Variants in NLRP3 observed in about 807,000 individuals in gnomAD.
NLRP3 encodes the protein NLR family pyrin domain containing 3.
A neutral mutation model predicts 91.3 loss-of-function variants in NLRP3; 48 were observed. That is an observed-to-expected ratio of 0.53 (90% confidence interval 0.42 to 0.67). The LOEUF (loss-of-function observed/expected upper bound fraction) is 0.67. Among genes scored for constraint, NLRP3 ranks in the 30% least tolerant of loss-of-function variants. The pLI, the probability that NLRP3 is intolerant of heterozygous loss-of-function variation, is 0.00. For synonymous variants in NLRP3, 561 were observed against 507.9 expected (o/e 1.10, Z -1.41); for missense variants, 982 against 1,276.9 (o/e 0.77, Z 3.52).
chr1:247,435,873 A>C (rs1663754769), intron 6 of NLRP3, 97 bp from the exon 7 acceptor site: 2 of 1,125,734 alleles, frequency 1.8e-6, no homozygotes, highest in Non-Finnish European at 2.7e-6. Flanking sequence ...TTCCATGTGT[A>C]AACTGGAGTA....
intron 9 of NLRP3, among the ~76,000 whole-genome samples, chr1:247,445,219 G>A (rs1664511094): frequency 6.6e-6 from 1 of 150,900 alleles, no homozygotes; most frequent in African/African-American, 2.4e-5. Context: ...TTTTTTCCTT[G>A]AGACAGAGTC....
At position 247,448,707 on chromosome 1, in the gene NLRP3, A is replaced by G. The variant is rs1471261570; in HGVS notation, c.*203A>G. 2 of 623,396 alleles carry G rather than the reference A, an allele frequency of 3.2e-6. No individual in the cohort carries two copies. Among genetic ancestry groups the G allele is most frequent in the Admixed American group, 5.0e-5 (2 of 40,154 alleles). The allele number at this position is 623,396 out of a possible 1,614,324, so 38.6% of individuals were successfully genotyped here. A position where few individuals can be genotyped will look rare whatever the true frequency, so the allele number is the denominator to read the frequency against. ...TTTACGCCAGGGTGAGGAAGACACC[A>G]GGACAATGACAGCATCGGGTGTTGT... On this transcript the variant is annotated 3_prime_UTR_variant, in exon 10 of 10. Transcript: ENST00000336119.
chr1:247,441,619 T>C (rs76833078), intron 7 of NLRP3, among the ~76,000 whole-genome samples: 1,745 of 152,332 alleles, frequency 0.011, 34 homozygotes, highest in African/African-American at 0.039. Flanking sequence ...CATGGCAAGA[T>C]ATCCGTGCTT....
Position 247,435,994 on chromosome 1 carries a change from A to T in NLRP3, c.2517A>T (p.Ser839=). The part of the protein sequence containing the change: ...KLWLVSCCLT[S]ACCQDLASVL... ...GGTTGGTCAGCTGCTGCCTCACATC[A>T]GCATGTTGTCAGGATCTTGCATCAG... The change falls in exon 7 of 10, where the codon TCA becomes TCT. Residue 839 remains serine, a synonymous_variant. Coordinates refer to ENST00000336119, the MANE Select transcript of NLRP3 (RefSeq NM_001243133.2). The T allele has an allele frequency of 6.2e-7, 1 of 1,614,130 alleles. No homozygotes were observed. The highest frequency in any genetic ancestry group is 8.5e-7 in the Non-Finnish European group (1 of 1,180,034).
At chr1:247,434,333 C>T (rs1663628742) in intron 6 of NLRP3, 60 bp downstream of exon 6, 1 of 1,581,102 alleles carries the variant, frequency 6.3e-7, no homozygotes, top group Non-Finnish European at 8.7e-7. Context: ...CGCACTCTGG[C>T]TTCAGTGAGG....
At chr1:247,431,013 C>G (rs1227120399) in intron 5 of NLRP3, among the ~76,000 whole-genome samples, 2 of 151,766 alleles carry the variant, frequency 1.3e-5, no homozygotes, top group African/African-American at 4.8e-5. Context: ...GTTGAAATGT[C>G]ACAGGGAATC....
At position 247,425,441 on chromosome 1, in the gene NLRP3, T is replaced by C. The variant is rs773315737; in HGVS notation, c.1992T>C (p.Ser664=). ...CCACCAGAATGGACCACATGGTTTCTTCCTTTTGCATTGAGAACTGTCATC... is the reference window on the plus strand; with the variant it reads ...CCACCAGAATGGACCACATGGTTTCCTCCTTTTGCATTGAGAACTGTCATC... ...NLSTRMDHMV[S]SFCIENCHRV... The change falls in exon 4 of 10, where the codon TCT becomes TCC. Residue 664 remains serine, a synonymous_variant. Coordinates refer to ENST00000336119, the MANE Select transcript of NLRP3 (RefSeq NM_001243133.2). The surrounding 1 kb of genome is among the most constrained non-coding windows in gnomAD (Gnocchi z 4.1). 6.2e-7 allele frequency: 1 copy of C among 1,614,248 alleles called. No individual in the cohort carries two copies. Among genetic ancestry groups the C allele is most frequent in the Non-Finnish European group, 8.5e-7 (1 of 1,180,052 alleles).
Position 247,444,636 on chromosome 1 carries a change from A to G in NLRP3, c.2835-15A>G. The G allele has an allele frequency of 6.2e-7, 1 of 1,613,356 alleles. No individual in the cohort carries two copies. Among genetic ancestry groups the G allele is most frequent in the Non-Finnish European group, 8.5e-7 (1 of 1,179,782 alleles). On this transcript the variant is annotated splice_polypyrimidine_tract_variant and intron_variant, in intron 8 of 9. Coordinates refer to ENST00000336119, the MANE Select transcript of NLRP3 (RefSeq NM_001243133.2). Reference sequence around the variant, plus strand: ...GTTAAGGGGACATTTTCTTTAAATCACCCCCTTTTTGCAGATTAGACAACT... The same window carrying G: ...GTTAAGGGGACATTTTCTTTAAATCGCCCCCTTTTTGCAGATTAGACAACT...
intron 5 of NLRP3, among the ~76,000 whole-genome samples, chr1:247,431,070 G>A (rs1663282927): frequency 6.6e-6 from 1 of 152,038 alleles, no homozygotes; most frequent in South Asian, 2.1e-4. Flanking sequence ...TGTAGTCCCA[G>A]CTACTCGGGA....
rs1226573823 is a variant in NLRP3 at position 247,424,997 on chromosome 1, C to T, written c.1548C>T (p.Tyr516=). 3.7e-6 allele frequency: 6 copies of T among 1,614,232 alleles called. No individual in the cohort carries two copies. The Admixed American group carries it at 6.7e-5, about 18-fold the overall frequency. ...AGGAAGTGGACTGCGAGAAGTTCTA[C>T]AGCTTCATCCACATGACTTTCCAGG... is the stretch of plus-strand genomic sequence containing the variant. The part of the protein sequence containing the change: ...FQKEVDCEKF[Y]SFIHMTFQEF... Residue 516 remains tyrosine (Y), a synonymous_variant, in exon 4 of 10, where the codon TAC becomes TAT. Transcript: ENST00000336119. This position sits in a 1 kb window ranked among gnomAD's most constrained non-coding sequence, Gnocchi z 8.1.
rs188130451 is a variant in NLRP3, at chr1:247,438,590, G to A, written c.2663+2450G>A. On this transcript the variant is annotated intron_variant, in intron 7 of 9. Coordinates refer to ENST00000336119, the MANE Select transcript of NLRP3 (RefSeq NM_001243133.2). ...GTAGATACGGGGTTTCACCATGTTT[G>A]CCAGGCTGGTCTCGAATTTCTGACC... Among the ~76,000 whole-genome samples, 248 of 152,234 alleles carry A rather than the reference G, an allele frequency of 1.6e-3. 2 individuals are homozygous for A. The highest frequency in any genetic ancestry group is 2.4e-3 in the Non-Finnish European group (160 of 68,034).
In NLRP3 at chr1:247,434,287, G is replaced by C. The variant is rs373890561; in HGVS notation, c.2492+14G>C. The C allele has an allele frequency of 1.2e-6, 2 of 1,613,920 alleles. No individual in the cohort carries two copies. Among genetic ancestry groups the C allele is most frequent in the East Asian group, 4.5e-5 (2 of 44,878 alleles). On this transcript the variant is annotated intron_variant, in intron 6 of 9. Coordinates refer to ENST00000336119, the MANE Select transcript of NLRP3 (RefSeq NM_001243133.2). ...GAAGAAGCTCTGGTGAGTCGAGCCC[G>C]TTCCCCTAAGGAAGTTCTGCCAGCG... is the stretch of plus-strand genomic sequence containing the variant.
At chr1:247,430,078 G>A (rs977580317) in intron 5 of NLRP3, among the ~76,000 whole-genome samples, 10 of 152,014 alleles carry the variant, frequency 6.6e-5, no homozygotes, top group African/African-American at 2.4e-4. Context: ...GTTTCATCAT[G>A]TTGTCCAGGC....
intron 9 of NLRP3, 119 bp downstream of exon 9, chr1:247,444,940 C>G: frequency 9.5e-7 from 1 of 1,048,358 alleles, no homozygotes; most frequent in Non-Finnish European, 1.4e-6. Flanking sequence ...TTAGGTTGGG[C>G]CTGGGTCAGT....
At chr1:247,422,937 C>T (rs573846911) in intron 2 of NLRP3, among the ~76,000 whole-genome samples, 3 of 152,350 alleles carry the variant, frequency 2.0e-5, no homozygotes, top group South Asian at 2.1e-4. Context: ...GAAACTTAGC[C>T]TGCTTCGCAT....
Position 247,419,070 on chromosome 1 carries a change from G to T in NLRP3, c.270G>T (p.Pro90=), listed in dbSNP as rs771343047. The T allele has an allele frequency of 2.4e-5, 38 of 1,609,998 alleles. No homozygotes were observed. Among genetic ancestry groups the T allele is most frequent in the Non-Finnish European group, 4.2e-6 (5 of 1,179,924 alleles). The part of the protein sequence containing the change: ...DLYEKAKRDE[P]KWGSDNARVS... ...ATGAGAAAGCAAAAAGAGATGAGCCGAAGTGGGGTGAGTGGAAGGAAGACT... is the reference window on the plus strand; with the variant it reads ...ATGAGAAAGCAAAAAGAGATGAGCCTAAGTGGGGTGAGTGGAAGGAAGACT... The change falls in exon 2 of 10, where the codon CCG becomes CCT. Residue 90 remains proline, a synonymous_variant. Coordinates refer to ENST00000336119, the MANE Select transcript of NLRP3 (RefSeq NM_001243133.2).
chr1:247,440,048 G>A (rs1177771031), intron 7 of NLRP3, among the ~76,000 whole-genome samples: 1 of 152,218 alleles, frequency 6.6e-6, no homozygotes, highest in African/African-American at 2.4e-5. Flanking sequence ...TATGGGTTAG[G>A]CATAGCCTGT....
chr1:247,442,130 T>G (rs1166445509), intron 7 of NLRP3, among the ~76,000 whole-genome samples: 1 of 152,242 alleles, frequency 6.6e-6, no homozygotes, highest in Non-Finnish European at 1.5e-5. Context: ...CTGTCTCTCT[T>G]GGGCTTCATT....
chr1:247,446,065 C>G (rs995927260), intron 9 of NLRP3, among the ~76,000 whole-genome samples: 1 of 152,206 alleles, frequency 6.6e-6, no homozygotes, highest in East Asian at 1.9e-4. Flanking sequence ...CCATTTCAGT[C>G]GATGGTCACT....
Sources: allele counts gnomAD v4.1 joint callset (sites outside exome capture counted in the v4.1 genomes callset), GRCh38; gene constraint gnomAD v4.1.1; non-coding constraint Gnocchi (gnomAD v3.1); transcripts MANE v1.5; gene names NCBI Gene and HGNC (gene_info 2026-07-23, HGNC 2026-07-21).